The following PRDM16 variants were observed in gnomAD, a reference collection of about 807,000 sequenced individuals.
The protein encoded by PRDM16 is PR/SET domain 16.
PRDM16 carries 23 observed loss-of-function variants against 110.6 expected under a neutral mutation model. The ratio of observed to expected loss-of-function variants is 0.21; its 90% CI spans 0.15 to 0.29. The LOEUF is 0.29. PRDM16 is among the 10% of genes least tolerant of loss of function. The probability of loss-of-function intolerance (pLI) is 1.00; values close to 1 mark genes in which losing one functional copy is unlikely to be tolerated. For synonymous variants in PRDM16, 799 were observed against 781.8 expected, an observed-to-expected ratio of 1.02 and a Z score of -0.37; for missense variants, 1,615 against 1,794.3, an observed-to-expected ratio of 0.90 and a Z score of 1.81.
intron 3 of PRDM16, among the ~76,000 whole-genome samples, chr1:3,355,157 C>A (rs771896443): frequency 6.6e-6 from 1 of 152,160 alleles, no homozygotes; most frequent in Non-Finnish European, 1.5e-5. Context: ...ACAGAACACC[C>A]AGACCTGAAG....
chr1:3,158,154 A>C (rs1557490366), intron 1 of PRDM16, among the ~76,000 whole-genome samples: 1 of 152,162 alleles, frequency 6.6e-6, no homozygotes, highest in South Asian at 2.1e-4. Flanking sequence ...ATTGGCAAAC[A>C]CACCCGCTTG....
At chr1:3,362,457 G>A (rs1313470323) in intron 3 of PRDM16, among the ~76,000 whole-genome samples, 11 of 152,178 alleles carry the variant, frequency 7.2e-5, no homozygotes, top group African/African-American at 2.7e-4. Context: ...GTGCCCGGGA[G>A]TGGGGCAGGC....
chr1:3,282,812 G>A (rs997491258), intron 3 of PRDM16, among the ~76,000 whole-genome samples: 8 of 152,192 alleles, frequency 5.3e-5, no homozygotes, highest in African/African-American at 9.7e-5. Context: ...GGAGGCAGCC[G>A]TGGCCGGAGG....
chr1:3,212,674 C>T (rs530792094), intron 2 of PRDM16, among the ~76,000 whole-genome samples: 3 of 151,080 alleles, frequency 2.0e-5, no homozygotes, highest in Non-Finnish European at 4.4e-5. Flanking sequence ...CTCATCCTCC[C>T]GGCCCCCTCG....
chr1:3,360,811 C>A (rs573772848), intron 3 of PRDM16, among the ~76,000 whole-genome samples: 4 of 152,222 alleles, frequency 2.6e-5, no homozygotes, highest in South Asian at 2.1e-4. Flanking sequence ...AGCCATCCCA[C>A]CCGCCTGGCT....
rs1642642137 is a variant in PRDM16 at position 3,358,042 on chromosome 1, C to T, written c.439-27110C>T. 1.3e-5 allele frequency among the ~76,000 whole-genome samples: 2 copies of T among 152,252 alleles called. No homozygotes were observed. Among genetic ancestry groups the T allele is most frequent in the African/African-American group, 4.8e-5 (2 of 41,476 alleles). On this transcript the variant is annotated intron_variant, in intron 3 of 16. Transcript: ENST00000270722. The surrounding 1 kb of genome is among the most constrained non-coding windows in gnomAD (Gnocchi z 4.0). ...GCCCATGAGCTGAGTCTGCCTTGAC[C>T]ACTGAAGGAGGCTGCCCTGGCTAAC...
At chr1:3,387,247 C>T (rs1339303666) in intron 4 of PRDM16, among the ~76,000 whole-genome samples, 5 of 152,166 alleles carry the variant, frequency 3.3e-5, no homozygotes, top group Non-Finnish European at 5.9e-5. Flanking sequence ...ACATACTTGG[C>T]GCTATTACCC....
In PRDM16 at chr1:3,190,996, AC is replaced by A. The variant is rs1374984168; in HGVS notation, c.387+4527del. 6.6e-6 allele frequency among the ~76,000 whole-genome samples: 1 copy of A among 151,560 alleles called. No homozygotes were observed. Among genetic ancestry groups the A allele is most frequent in the African/African-American group, 2.4e-5 (1 of 41,208 alleles). On this transcript the variant is annotated intron_variant, in intron 2 of 16. Transcript: ENST00000270722. The surrounding 1 kb of genome is among the most constrained non-coding windows in gnomAD (Gnocchi z 5.0). Reference sequence around the variant, plus strand: ...GCCTGCTGGGGCGGGATCCCGCAGGACCCCCAGGGGAGGCACTGGGGGCACT... The same window carrying A: ...GCCTGCTGGGGCGGGATCCCGCAGGACCCCAGGGGAGGCACTGGGGGCACT...
intron 1 of PRDM16, among the ~76,000 whole-genome samples, chr1:3,147,036 T>G (rs1300539955): frequency 1.0e-4 from 10 of 96,526 alleles, no homozygotes; most frequent in African/African-American, 1.7e-4. Flanking sequence ...GTGCTCGGTG[T>G]GGGGTGTGTG....
At chr1:3,216,110 G>A (rs1639025944) in intron 2 of PRDM16, among the ~76,000 whole-genome samples, 1 of 152,132 alleles carries the variant, frequency 6.6e-6, no homozygotes, top group Non-Finnish European at 1.5e-5. Context: ...TCTCTTGTTT[G>A]GGATTAATCT....
chr1:3,339,082 G>A lies in PRDM16; in HGVS notation c.439-46070G>A, dbSNP rs1642218881. Among the ~76,000 whole-genome samples the A allele has an allele frequency of 6.6e-6, 1 of 152,090 alleles. No homozygotes were observed. The highest frequency in any genetic ancestry group is 6.5e-5 in the Admixed American group (1 of 15,282). ...GTTGCAGCTTCAAGGCGATCGATGG[G>A]GAGCTTCCGTGCACTCCCCTCTCTG... On this transcript the variant is annotated intron_variant, in intron 3 of 16. Transcript: ENST00000270722. This position sits in a 1 kb window ranked among gnomAD's most constrained non-coding sequence, Gnocchi z 5.0.
chr1:3,428,431 G>T (rs964793146), intron 14 of PRDM16, among the ~76,000 whole-genome samples: 1 of 152,204 alleles, frequency 6.6e-6, no homozygotes, highest in East Asian at 1.9e-4. Context: ...CAGCCCTAGG[G>T]GTGGGGACGA....
chr1:3,164,724 C>T (rs1643931403), intron 1 of PRDM16, among the ~76,000 whole-genome samples: 1 of 152,080 alleles, frequency 6.6e-6, no homozygotes, highest in South Asian at 2.1e-4. Context: ...GGTCACGGTC[C>T]CGCGTGATCA....
At chr1:3,413,880 G>A (rs752927069) in intron 9 of PRDM16, among the ~76,000 whole-genome samples, 15 of 152,168 alleles carry the variant, frequency 9.9e-5, no homozygotes, top group Admixed American at 2.6e-4. Flanking sequence ...GCTTGTCACC[G>A]GCATCTGGGG....
Position 3,190,314 on chromosome 1 carries a change from T to C in PRDM16, c.387+3840T>C, listed in dbSNP as rs1312462975. Among the ~76,000 whole-genome samples, 1 of 152,030 alleles carries C rather than the reference T, an allele frequency of 6.6e-6. No homozygotes were observed. Among genetic ancestry groups the C allele is most frequent in the East Asian group, 1.9e-4 (1 of 5,170 alleles). On this transcript the variant is annotated intron_variant, in intron 2 of 16. Transcript: ENST00000270722. The surrounding 1 kb of genome is among the most constrained non-coding windows in gnomAD (Gnocchi z 5.0). ...GGCAGCCTTACTTTAAGTGGGAGCT[T>C]TCCGTTAGCAACGCAGGAATGAGGC...
chr1:3,387,958 G>T (rs1643230412), intron 4 of PRDM16, among the ~76,000 whole-genome samples: 1 of 152,238 alleles, frequency 6.6e-6, no homozygotes, highest in Admixed American at 6.5e-5. Flanking sequence ...CGCTGTGACG[G>T]CTGTGACGGC....
At position 3,083,421 on chromosome 1, in the gene PRDM16, GGCTGACCTGGAA is replaced by G. The variant is rs1051444645; in HGVS notation, c.37+14130_37+14141del. ...GTGCCGGGCGGGCAGATCGTCCTGG[GGCTGACCTGGAA>G]GCTGTGCTGCGTTTATGGCCCAGGG... On this transcript the variant is annotated intron_variant, in intron 1 of 16. Transcript: ENST00000270722. Among the ~76,000 whole-genome samples, 5 of 152,338 alleles carry G rather than the reference GGCTGACCTGGAA, an allele frequency of 3.3e-5. No individual in the cohort carries two copies. The East Asian group carries it at 5.8e-4, about 18-fold the overall frequency.
Position 3,316,736 on chromosome 1 carries a change from T to G in PRDM16, c.439-68416T>G, listed in dbSNP as rs1289542492. ...GGAGCCAGGAAACAGTGACACGGTG[T>G]AGGCAGGAAACAGTGACTGCAGTGA... On this transcript the variant is annotated intron_variant, in intron 3 of 16. Coordinates refer to ENST00000270722, the MANE Select transcript of PRDM16 (RefSeq NM_022114.4). Among the ~76,000 whole-genome samples, 8 of 140,642 alleles carry G rather than the reference T, an allele frequency of 5.7e-5. No individual in the cohort carries two copies. The East Asian group carries it at 8.8e-4, about 15-fold the overall frequency. The allele number at this position is 140,642 out of a possible 152,430, so 92.3% of individuals were successfully genotyped here.
intron 12 of PRDM16, among the ~76,000 whole-genome samples, chr1:3,421,823 A>T (rs931128720): frequency 1.3e-5 from 2 of 152,394 alleles, no homozygotes; most frequent in East Asian, 3.9e-4. Flanking sequence ...AGAAACCAGG[A>T]ACTGAATGAG....
Sources: allele counts gnomAD v4.1 joint callset (sites outside exome capture counted in the v4.1 genomes callset), GRCh38; gene constraint gnomAD v4.1.1; non-coding constraint Gnocchi (gnomAD v3.1); transcripts MANE v1.5; gene names NCBI Gene and HGNC (gene_info 2026-07-23, HGNC 2026-07-21).